The following PLEKHB2 variants were observed in gnomAD, a reference collection of about 807,000 sequenced individuals.
PLEKHB2 encodes the protein pleckstrin homology domain containing B2, also known as pleckstrin homology domain-containing family B member 2.
In PLEKHB2, 31 loss-of-function variants were observed where a neutral mutation model predicts 36.5. That is an observed-to-expected ratio of 0.85 (90% CI 0.64 to 1.15). The LOEUF (loss-of-function observed/expected upper bound fraction) is 1.15, where lower values mean the gene tolerates loss of function less well. Ranked by LOEUF, PLEKHB2 falls within the 50% of genes most tolerant of loss-of-function variation. The pLI is 0.00. For missense variants in PLEKHB2, 262 were observed against 295.3 expected, an observed-to-expected ratio of 0.89 and a Z score of 0.83; for synonymous variants, 119 against 112.0, an observed-to-expected ratio of 1.06 and a Z score of -0.39.
intron 4 of PLEKHB2, 161 bp downstream of exon 4, chr2:131,126,947 CTA>C: frequency 1.7e-6 from 1 of 585,764 alleles, no homozygotes; most frequent in South Asian, 2.1e-5. Flanking sequence ...TTTTCCAATT[CTA>C]GTTTCTGCCT....
intron 1 of PLEKHB2, among the ~76,000 whole-genome samples, chr2:131,119,351 A>G (rs1288743486): frequency 6.6e-6 from 1 of 152,188 alleles, no homozygotes; most frequent in East Asian, 1.9e-4. Context: ...CACACACAGA[A>G]TCGCCTCATT....
chr2:131,110,114 C>CA (rs879482806), intron 1 of PLEKHB2, among the ~76,000 whole-genome samples: 2,115 of 133,562 alleles, frequency 0.016, 46 homozygotes, highest in African/African-American at 0.053. Flanking sequence ...GACTCCGTCT[C>CA]AAAAAAAAAA....
chr2:131,135,158 GC>G (rs1391293539), intron 6 of PLEKHB2, among the ~76,000 whole-genome samples: 2 of 151,884 alleles, frequency 1.3e-5, no homozygotes, highest in Non-Finnish European at 2.9e-5. Context: ...TGCACCCTCC[GC>G]CTCCTGGGTT....
chr2:131,148,640 G>T lies in PLEKHB2; in HGVS notation c.*1867G>T, dbSNP rs977317913. 1 of 152,204 alleles carries T rather than the reference G, an allele frequency of 6.6e-6. No individual in the cohort carries two copies. Among genetic ancestry groups the T allele is most frequent in the African/African-American group, 2.4e-5 (1 of 41,438 alleles). The allele number at this position is 152,204 out of a possible 1,614,324, so 9.4% of individuals were successfully genotyped here. On this transcript the variant is annotated 3_prime_UTR_variant, in exon 8 of 8. Transcript: ENST00000693505. ...GGACTCCATCTTTAGCGAGACACCA[G>T]AGACACCTAGTGATGACCACGGGTC...
At position 131,121,002 on chromosome 2, in the gene PLEKHB2, C is replaced by T. The variant is rs79131672; in HGVS notation, c.37+24C>T. 7,617 of 1,610,088 alleles carry T rather than the reference C, an allele frequency of 4.7e-3. 182 individuals are homozygous for T. The African/African-American group carries it at 0.067, about 14-fold the overall frequency. On this transcript the variant is annotated intron_variant, in intron 2 of 7. Transcript: ENST00000693505. Reference sequence around the variant, plus strand: ...GAGTGAGTACAGGATGTGCGGTCTGCGATCGGCATTGCCGAAGGGCAGTCT... The same window carrying T: ...GAGTGAGTACAGGATGTGCGGTCTGTGATCGGCATTGCCGAAGGGCAGTCT...
intron 7 of PLEKHB2, among the ~76,000 whole-genome samples, chr2:131,143,950 G>T (rs1699037198): frequency 6.6e-6 from 1 of 152,188 alleles, no homozygotes; most frequent in Non-Finnish European, 1.5e-5. Context: ...CACTCTCACA[G>T]GCAGTACTCG....
intron 7 of PLEKHB2, among the ~76,000 whole-genome samples, chr2:131,143,497 C>G (rs941436637): frequency 6.6e-6 from 1 of 152,188 alleles, no homozygotes; most frequent in Non-Finnish European, 1.5e-5. Flanking sequence ...TTAATCATTT[C>G]ATCTGTTAAT....
At chr2:131,145,801 A>G (rs1167203529) in intron 7 of PLEKHB2, among the ~76,000 whole-genome samples, 2 of 152,220 alleles carry the variant, frequency 1.3e-5, no homozygotes, top group African/African-American at 4.8e-5. Flanking sequence ...TGCAAATTAA[A>G]TACTAAATTT....
chr2:131,142,895 T>C (rs1698935909), intron 7 of PLEKHB2, among the ~76,000 whole-genome samples: 1 of 152,152 alleles, frequency 6.6e-6, no homozygotes, highest in African/African-American at 2.4e-5. Flanking sequence ...AACTAGACTC[T>C]ATCTCTATAT....
rs376875376 is a variant in PLEKHB2 at position 131,148,184 on chromosome 2, A to G, written c.*1411A>G. On this transcript the variant is annotated 3_prime_UTR_variant, in exon 8 of 8. Coordinates refer to ENST00000693505, the MANE Select transcript of PLEKHB2 (RefSeq NM_001100623.2). ...CAGGACACAGGGACCGGCTCAAGGT[A>G]CCACTCAGCCTGGCCAGGACCCCCA... 1.3e-5 allele frequency: 2 copies of G among 152,288 alleles called. No individual in the cohort carries two copies. The highest frequency in any genetic ancestry group is 1.9e-4 in the East Asian group (1 of 5,180). The allele number at this position is 152,288 out of a possible 1,614,324, so 9.4% of individuals were successfully genotyped here. A position where few individuals can be genotyped will look rare whatever the true frequency, so the allele number is the denominator to read the frequency against.
chr2:131,145,753 A>G (rs1181458786), intron 7 of PLEKHB2, among the ~76,000 whole-genome samples: 1 of 152,268 alleles, frequency 6.6e-6, no homozygotes, highest in East Asian at 1.9e-4. Flanking sequence ...AGCATGGAAG[A>G]GAGCAAACAG....
At chr2:131,144,218 CTT>C (rs935194711) in intron 7 of PLEKHB2, among the ~76,000 whole-genome samples, 3 of 152,240 alleles carry the variant, frequency 2.0e-5, no homozygotes, top group African/African-American at 7.2e-5. Flanking sequence ...AAGGCTCTCT[CTT>C]CAGTGTGATT....
intron 6 of PLEKHB2, among the ~76,000 whole-genome samples, chr2:131,136,974 C>G (rs1434331887): frequency 7.2e-6 from 1 of 138,334 alleles, no homozygotes; most frequent in African/African-American, 2.8e-5. Flanking sequence ...GAGACGGAGT[C>G]TCACTCTTGT....
intron 1 of PLEKHB2, chr2:131,108,150 A>C (rs1694925659): frequency 6.6e-6 from 1 of 152,228 alleles, no homozygotes; most frequent in African/African-American, 2.4e-5. Context: ...TCAGGCTTAG[A>C]ACTGTCAGAT....
intron 5 of PLEKHB2, 81 bp downstream of exon 5, chr2:131,130,841 T>G (rs546313850): frequency 1.0e-6 from 1 of 988,956 alleles, no homozygotes. Flanking sequence ...AGTGCAGTGG[T>G]GCTGTCTCAC....
chr2:131,115,453 A>G (rs1032135888), intron 1 of PLEKHB2, among the ~76,000 whole-genome samples: 2 of 141,374 alleles, frequency 1.4e-5, no homozygotes, highest in African/African-American at 2.7e-5. Context: ...TCCCGGGATC[A>G]AGTGATTCTT....
At chr2:131,127,301 T>A (rs1001313351) in intron 4 of PLEKHB2, among the ~76,000 whole-genome samples, 2 of 152,214 alleles carry the variant, frequency 1.3e-5, no homozygotes, top group African/African-American at 4.8e-5. Flanking sequence ...TTGCTGGTAG[T>A]CCTTGGTGTT....
intron 6 of PLEKHB2, among the ~76,000 whole-genome samples, chr2:131,137,735 T>C (rs558079859): frequency 6.6e-6 from 1 of 152,280 alleles, no homozygotes; most frequent in South Asian, 2.1e-4. Context: ...TTTCTGTCTC[T>C]CAATTTCATT....
At chr2:131,112,343 A>G (rs1474656881) in intron 1 of PLEKHB2, among the ~76,000 whole-genome samples, 1 of 152,182 alleles carries the variant, frequency 6.6e-6, no homozygotes, top group African/African-American at 2.4e-5. Flanking sequence ...ACATCTCTTC[A>G]TCTGTGTCCT....
Sources: gnomAD v4.1 joint callset for allele counts (sites outside exome capture counted in the v4.1 genomes callset) on GRCh38, gnomAD v4.1.1 for gene constraint, MANE v1.5 for transcripts, NCBI Gene and HGNC (gene_info 2026-07-23, HGNC 2026-07-21) for gene names.